Variants in CDK8 observed in about 807,000 individuals in gnomAD.
CDK8 encodes the protein cyclin dependent kinase 8, also known as cyclin-dependent kinase 8.
In CDK8, 29 loss-of-function variants were observed where a neutral mutation model predicts 71.5. The ratio of observed to expected loss-of-function variants is 0.41; its 90% CI spans 0.30 to 0.55. The LOEUF (loss-of-function observed/expected upper bound fraction) is 0.55. Among genes scored for constraint, CDK8 ranks in the 20% least tolerant of loss-of-function variants. The pLI is 0.37. For synonymous variants in CDK8, 161 were observed against 192.1 expected, an observed-to-expected ratio of 0.84 and a Z score of 1.34; for missense variants, 288 against 572.6, an observed-to-expected ratio of 0.50 and a Z score of 5.07.
intron 1 of CDK8, among the ~76,000 whole-genome samples, chr13:26,330,981 G>C (rs1000728498): frequency 3.9e-5 from 6 of 152,060 alleles, no homozygotes; most frequent in African/African-American, 1.4e-4. Flanking sequence ...TGGATTGAAT[G>C]GTATTTCGAT....
At chr13:26,323,670 A>G (rs1379015546) in intron 1 of CDK8, among the ~76,000 whole-genome samples, 1 of 152,128 alleles carries the variant, frequency 6.6e-6, no homozygotes, top group East Asian at 1.9e-4. Flanking sequence ...CCATGAAAAT[A>G]TAGTTTTGAG....
chr13:26,353,956 C>A, intron 4 of CDK8, 76 bp downstream of exon 4: 1 of 1,279,562 alleles, frequency 7.8e-7, no homozygotes, highest in Non-Finnish European at 1.1e-6. Flanking sequence ...CTGTAGATAC[C>A]AGTGCTATAT....
intron 4 of CDK8, among the ~76,000 whole-genome samples, chr13:26,359,377 T>C (rs1290476411): frequency 6.6e-6 from 1 of 152,180 alleles, no homozygotes; most frequent in Non-Finnish European, 1.5e-5. Flanking sequence ...TTTACCACAA[T>C]AAAAGACATC....
At chr13:26,403,404 G>A (rs909732596) in intron 12 of CDK8, among the ~76,000 whole-genome samples, 4 of 151,738 alleles carry the variant, frequency 2.6e-5, no homozygotes, top group East Asian at 1.9e-4. Flanking sequence ...TCCTAGCAAT[G>A]ATTATACCAT....
chr13:26,268,978 GCTTTTTCTGTTT>G (rs1872170832), intron 1 of CDK8, among the ~76,000 whole-genome samples: 1 of 151,936 alleles, frequency 6.6e-6, no homozygotes, highest in African/African-American at 2.4e-5. Flanking sequence ...TTTTTGGCTT[GCTTTTTCTGTTT>G]CATACTGATG....
chr13:26,301,058 C>T (rs1467378148), intron 1 of CDK8, among the ~76,000 whole-genome samples: 1 of 151,864 alleles, frequency 6.6e-6, no homozygotes, highest in African/African-American at 2.4e-5. Flanking sequence ...GGTAATGAGT[C>T]CTTTCTGTAT....
rs1230666571 is a variant in CDK8, at chr13:26,352,066, C to A, written c.316-1674C>A. Among the ~76,000 whole-genome samples, 6 of 151,630 alleles carry A rather than the reference C, an allele frequency of 4.0e-5. No individual in the cohort carries two copies. The East Asian group carries it at 1.2e-3, about 29-fold the overall frequency. ...ATATGAAATTGATTAATTACCTTAC[C>A]TCTCCTACATATTTGTTCCTTTGAT... On this transcript the variant is annotated intron_variant, in intron 3 of 12. Transcript: ENST00000381527.
chr13:26,397,373 CAA>C, intron 9 of CDK8, 148 bp downstream of exon 9: 1 of 563,442 alleles, frequency 1.8e-6, no homozygotes, highest in East Asian at 3.1e-5. Flanking sequence ...TAGTGCATAC[CAA>C]TAAAGACAAT....
chr13:26,320,023 A>G (rs1455984880), intron 1 of CDK8, among the ~76,000 whole-genome samples: 2 of 152,158 alleles, frequency 1.3e-5, no homozygotes, highest in East Asian at 1.9e-4. Flanking sequence ...TCGACATTCA[A>G]AAGAATGAAG....
chr13:26,389,301 A>G (rs1875629252), intron 6 of CDK8, among the ~76,000 whole-genome samples: 1 of 152,122 alleles, frequency 6.6e-6, no homozygotes, highest in Admixed American at 6.5e-5. Context: ...CTGGGGTTAC[A>G]GGCTTGTGCC....
In CDK8 at chr13:26,262,384, T is replaced by C. The variant is rs538652454; in HGVS notation, c.128+7615T>C. 6.3e-5 allele frequency among the ~76,000 whole-genome samples: 9 copies of C among 143,510 alleles called. No individual in the cohort carries two copies. In the South Asian group the frequency reaches 1.7e-3, roughly 27 times the overall value. 94.1% of individuals were successfully genotyped at this position (143,510 alleles called of 152,430 possible). On this transcript the variant is annotated intron_variant, in intron 1 of 12. Transcript: ENST00000381527. ...AAATTTTGACAGGTATTTTGTACTT[T>C]TGTGTATGTGTGTGTGTGTGTATCT...
intron 3 of CDK8, among the ~76,000 whole-genome samples, chr13:26,350,559 A>T (rs1391868403): frequency 6.6e-6 from 1 of 152,124 alleles, no homozygotes; most frequent in Non-Finnish European, 1.5e-5. Context: ...TCGAGGCTGC[A>T]GTGGGTCCTG....
Position 26,309,360 on chromosome 13 carries a change from C to T in CDK8, c.129-28207C>T, listed in dbSNP as rs150854717. 2.1e-3 allele frequency among the ~76,000 whole-genome samples: 315 copies of T among 152,166 alleles called. 2 individuals are homozygous for T. The highest frequency in any genetic ancestry group is 6.8e-3 in the African/African-American group (284 of 41,526). ...TTCACCGTGTTAGCTAGGATGGTCT[C>T]GATCTCCTGACCTTGTGATCCACCT... On this transcript the variant is annotated intron_variant, in intron 1 of 12. Transcript: ENST00000381527.
intron 1 of CDK8, among the ~76,000 whole-genome samples, chr13:26,297,572 C>A (rs560115262): frequency 6.6e-6 from 1 of 152,006 alleles, no homozygotes; most frequent in Admixed American, 6.6e-5. Flanking sequence ...AATTGAGAGA[C>A]GTGAGTATAA....
At chr13:26,321,264 A>G (rs1193061677) in intron 1 of CDK8, among the ~76,000 whole-genome samples, 2 of 152,198 alleles carry the variant, frequency 1.3e-5, no homozygotes, top group African/African-American at 4.8e-5. Flanking sequence ...CATTTTGCTT[A>G]AGTGAAATAA....
At chr13:26,276,390 G>A (rs948426059) in intron 1 of CDK8, among the ~76,000 whole-genome samples, 1 of 152,104 alleles carries the variant, frequency 6.6e-6, no homozygotes, top group African/African-American at 2.4e-5. Context: ...TCTTATATGT[G>A]ATTTATGAGC....
intron 1 of CDK8, among the ~76,000 whole-genome samples, chr13:26,312,181 G>A (rs1874314034): frequency 6.6e-6 from 1 of 152,150 alleles, no homozygotes; most frequent in Non-Finnish European, 1.5e-5. Flanking sequence ...TCAGCGCTCT[G>A]TGTCTAGCTA....
At chr13:26,289,887 A>G (rs1422157605) in intron 1 of CDK8, among the ~76,000 whole-genome samples, 1 of 152,172 alleles carries the variant, frequency 6.6e-6, no homozygotes, top group Non-Finnish European at 1.5e-5. Context: ...GGATTCATCT[A>G]ATTCTTCTTG....
chr13:26,328,938 A>G (rs938055327), intron 1 of CDK8, among the ~76,000 whole-genome samples: 11 of 152,034 alleles, frequency 7.2e-5, no homozygotes, highest in Non-Finnish European at 1.2e-4. Flanking sequence ...CTTCTAGCAT[A>G]TTTTATAGTC....
Sources: gnomAD v4.1 joint callset for allele counts (sites outside exome capture counted in the v4.1 genomes callset) on GRCh38, gnomAD v4.1.1 for gene constraint, MANE v1.5 for transcripts, NCBI Gene and HGNC (gene_info 2026-07-23, HGNC 2026-07-21) for gene names.